Variants in S100A8 observed in about 807,000 individuals in gnomAD.
S100A8 encodes the protein S100 calcium binding protein A8.
A neutral mutation model predicts 4.2 loss-of-function variants in S100A8; 1 was observed. That is an observed-to-expected ratio of 0.24 (90% CI 0.08 to 1.12). The LOEUF is 1.12. S100A8 is among the 50% of genes most tolerant of loss of function. The pLI is 0.53. For missense variants in S100A8, 96 were observed against 111.8 expected (o/e 0.86, Z 0.64); for synonymous variants, 41 against 44.7 (o/e 0.92, Z 0.33).
upstream of S100A8, among the ~76,000 whole-genome samples, chr1:153,393,232 T>C (rs530948439): frequency 6.6e-6 from 1 of 152,298 alleles, no homozygotes; most frequent in African/African-American, 2.4e-5. Flanking sequence ...AGTCCATCCC[T>C]GATCCACCTG....
the S100A8 span, among the ~76,000 whole-genome samples, chr1:153,400,936 G>GATA: frequency 6.6e-6 from 1 of 152,178 alleles, no homozygotes; most frequent in Non-Finnish European, 1.5e-5. Flanking sequence ...ACAATTGCTG[G>GATA]ATAACAGCTT....
chr1:153,415,392 A>G, the S100A8 span, among the ~76,000 whole-genome samples: 2 of 152,156 alleles, frequency 1.3e-5, no homozygotes, highest in Non-Finnish European at 2.9e-5. Flanking sequence ...AAGGGCTGGC[A>G]CTAAATGAAC....
chr1:153,399,514 C>T, the S100A8 span, among the ~76,000 whole-genome samples: 4 of 152,130 alleles, frequency 2.6e-5, no homozygotes, highest in Non-Finnish European at 5.9e-5. Flanking sequence ...ATTAGTGAAC[C>T]CCCAAACTCC....
At chr1:153,417,977 T>C in the S100A8 span, 1 of 1,501,566 alleles carries the variant, frequency 6.7e-7, no homozygotes, top group Admixed American at 2.0e-5. Flanking sequence ...GGGCTGTTTT[T>C]ACTCTGTCCT....
the S100A8 span, among the ~76,000 whole-genome samples, chr1:153,416,264 C>A: frequency 3.3e-5 from 5 of 152,294 alleles, no homozygotes; most frequent in Admixed American, 1.3e-4. Context: ...TGACCTGTTA[C>A]TACACATGTA....
chr1:153,416,112 C>T, the S100A8 span, among the ~76,000 whole-genome samples: 3 of 152,100 alleles, frequency 2.0e-5, no homozygotes, highest in South Asian at 2.1e-4. Context: ...GCTCAGTAAG[C>T]GGTGGGGGTC....
At chr1:153,410,057 A>G in the S100A8 span, among the ~76,000 whole-genome samples, 3 of 152,220 alleles carry the variant, frequency 2.0e-5, no homozygotes, top group Non-Finnish European at 1.5e-5. Flanking sequence ...CCCTAACATC[A>G]CAATTAAAAG....
At chr1:153,410,668 A>G in the S100A8 span, among the ~76,000 whole-genome samples, 3 of 152,286 alleles carry the variant, frequency 2.0e-5, no homozygotes, top group Admixed American at 2.0e-4. Context: ...CCTGGCAGAG[A>G]CACAACAAAA....
the S100A8 span, among the ~76,000 whole-genome samples, chr1:153,404,263 G>T: frequency 6.6e-6 from 1 of 152,120 alleles, no homozygotes; most frequent in Admixed American, 6.5e-5. Flanking sequence ...CTTCATTTAG[G>T]CATAGTTGAT....
chr1:153,417,543 G>A, the S100A8 span, among the ~76,000 whole-genome samples: 35 of 152,320 alleles, frequency 2.3e-4, no homozygotes, highest in African/African-American at 6.7e-4. Context: ...CCTGGAGCCT[G>A]CACGCACTGT....
chr1:153,421,836 T>C, the S100A8 span: 2 of 152,202 alleles, frequency 1.3e-5, no homozygotes, highest in African/African-American at 2.4e-5. Flanking sequence ...TTCCGTCCAA[T>C]TGGCAATGGC....
chr1:153,393,041 C>T (rs575214165), upstream of S100A8, among the ~76,000 whole-genome samples: 1 of 152,224 alleles, frequency 6.6e-6, no homozygotes, highest in South Asian at 2.1e-4. Flanking sequence ...ATTATAATGC[C>T]CATTGTACAG....
chr1:153,419,349 A>T, the S100A8 span: 1 of 1,585,450 alleles, frequency 6.3e-7, no homozygotes, highest in African/African-American at 1.4e-5. Flanking sequence ...CCCAGGAACA[A>T]TAAGTGTCTC....
Position 153,390,216 on chromosome 1 carries a change from CTT to C in S100A8, c.167_168del (p.Lys56ArgfsTer7). 1 of 1,613,576 alleles carries C rather than the reference CTT, an allele frequency of 6.2e-7. No homozygotes were observed. Among genetic ancestry groups the C allele is most frequent in the Non-Finnish European group, 8.5e-7 (1 of 1,179,546 alleles). On this transcript the variant is annotated frameshift_variant, in exon 3 of 3. Transcript: ENST00000368733. LOFTEE classifies it low-confidence loss of function (END_TRUNC). The part of the protein sequence containing the change: ...IRKKGADVWF[K>X]ELDINTDGAV... ...GCACCATCAGTGTTGATATCCAACT[CTT>C]TGAACCAGACGTCTGCACCCTTTTT...
At chr1:153,392,620 T>C (rs980444195), upstream of S100A8, among the ~76,000 whole-genome samples, 9 of 152,170 alleles carry the variant, frequency 5.9e-5, no homozygotes, top group African/African-American at 2.2e-4. Flanking sequence ...GAAGAAAATG[T>C]TTTGTGGGGA....
At chr1:153,416,633 A>C in the S100A8 span, 1 of 414,648 alleles carries the variant, frequency 2.4e-6, no homozygotes, top group South Asian at 2.1e-5. Flanking sequence ...TGCCTGTAGG[A>C]AGGGAAAGGG....
At chr1:153,394,913 C>G (rs1314069355), upstream of S100A8, among the ~76,000 whole-genome samples, 2 of 152,186 alleles carry the variant, frequency 1.3e-5, no homozygotes, top group African/African-American at 2.4e-5. Context: ...TGATTTCTAT[C>G]TCAGTAAGCT....
At chr1:153,395,959 C>A (rs566641979), upstream of S100A8, among the ~76,000 whole-genome samples, 1 of 152,230 alleles carries the variant, frequency 6.6e-6, no homozygotes, top group Non-Finnish European at 1.5e-5. Context: ...GCTGTCGGAG[C>A]GGCATGTTAG....
the S100A8 span, chr1:153,418,224 G>C: frequency 1.2e-6 from 2 of 1,613,974 alleles, no homozygotes; most frequent in Non-Finnish European, 1.7e-6. Context: ...CAGTGCCTGT[G>C]TGAGTTGGGG....
Sources: gnomAD v4.1 joint callset for allele counts (sites outside exome capture counted in the v4.1 genomes callset) on GRCh38, gnomAD v4.1.1 for gene constraint, MANE v1.5 for transcripts, NCBI Gene and HGNC (gene_info 2026-07-23, HGNC 2026-07-21) for gene names.